Variants in PNOC observed in about 807,000 individuals in gnomAD.
PNOC encodes the protein nociceptin.
PNOC carries 10 observed loss-of-function variants against 15.6 expected under a neutral mutation model. The observed-to-expected ratio is 0.64, with a 90% CI of 0.40 to 1.09. PNOC has a LOEUF of 1.09. PNOC is among the 50% of genes least tolerant of loss of function. The pLI, the probability that PNOC is intolerant of heterozygous loss-of-function variation, is 0.01. For missense variants in PNOC, 220 were observed against 223.9 expected, an observed-to-expected ratio of 0.98 and a Z score of 0.11; for synonymous variants, 98 against 88.5, an observed-to-expected ratio of 1.11 and a Z score of -0.60.
At chr8:28,331,279 T>G (rs1022201006) in intron 2 of PNOC, among the ~76,000 whole-genome samples, 3 of 152,178 alleles carry the variant, frequency 2.0e-5, no homozygotes, top group Non-Finnish European at 4.4e-5. Context: ...GGTTAAGTGG[T>G]TACAGTAAAT....
intron 3 of PNOC, among the ~76,000 whole-genome samples, chr8:28,341,571 A>C (rs537692205): frequency 2.2e-4 from 34 of 152,316 alleles, no homozygotes; most frequent in Non-Finnish European, 4.3e-4. Context: ...CAGGCCCATT[A>C]ACAGGAATCC....
intron 1 of PNOC, among the ~76,000 whole-genome samples, chr8:28,325,642 ACTCTGT>A (rs1437868393): frequency 2.2e-5 from 3 of 137,800 alleles, no homozygotes; most frequent in African/African-American, 8.4e-5. Flanking sequence ...ACAGAGTGAG[ACTCTGT>A]CTCAAAAAAA....
At chr8:28,321,480 T>G (rs1296368138) in intron 1 of PNOC, among the ~76,000 whole-genome samples, 1 of 152,106 alleles carries the variant, frequency 6.6e-6, no homozygotes, top group Non-Finnish European at 1.5e-5. Context: ...TCCACACTCT[T>G]TCTATGGCTT....
At chr8:28,321,174 G>A (rs1461947489) in intron 1 of PNOC, among the ~76,000 whole-genome samples, 1 of 149,420 alleles carries the variant, frequency 6.7e-6, no homozygotes, top group East Asian at 2.0e-4. Flanking sequence ...GAATAGCTAA[G>A]ACTGCAGATG....
At chr8:28,335,395 T>C (rs1289634456) in intron 2 of PNOC, among the ~76,000 whole-genome samples, 2 of 152,280 alleles carry the variant, frequency 1.3e-5, no homozygotes, top group Non-Finnish European at 2.9e-5. Context: ...GGTTGAATTA[T>C]ATTCATGATT....
At chr8:28,326,348 T>C (rs1054628833) in intron 1 of PNOC, among the ~76,000 whole-genome samples, 1 of 151,982 alleles carries the variant, frequency 6.6e-6, no homozygotes, top group African/African-American at 2.4e-5. Flanking sequence ...CGAGACCATC[T>C]CAAACAAACA....
intron 1 of PNOC, among the ~76,000 whole-genome samples, chr8:28,324,874 AAG>A (rs1353511592): frequency 1.2e-4 from 19 of 152,224 alleles, no homozygotes; most frequent in African/African-American, 4.1e-4. Flanking sequence ...AAAAACAAAA[AAG>A]AGTGTTAGAG....
chr8:28,330,544 C>G (rs1322363548), intron 2 of PNOC, among the ~76,000 whole-genome samples: 2 of 147,488 alleles, frequency 1.4e-5, no homozygotes, highest in Non-Finnish European at 3.0e-5. Flanking sequence ...AAGGTGCCCA[C>G]CACCACACCC....
intron 1 of PNOC, among the ~76,000 whole-genome samples, chr8:28,324,787 T>C (rs1317631890): frequency 2.0e-5 from 3 of 152,108 alleles, no homozygotes; most frequent in African/African-American, 7.2e-5. Flanking sequence ...TGCTTGAACC[T>C]GGGAGGTGTG....
chr8:28,337,872 T>C (rs1801440303), intron 2 of PNOC, among the ~76,000 whole-genome samples: 2 of 152,116 alleles, frequency 1.3e-5, no homozygotes, highest in Admixed American at 1.3e-4. Flanking sequence ...ATTACAGGCG[T>C]GCGCCACCGC....
chr8:28,326,205 A>C (rs931020005), intron 1 of PNOC, among the ~76,000 whole-genome samples: 5 of 151,838 alleles, frequency 3.3e-5, no homozygotes, highest in Non-Finnish European at 7.4e-5. Flanking sequence ...TTTAAAAACT[A>C]ACCAAGCATC....
chr8:28,321,453 G>A (rs1045559319), intron 1 of PNOC, among the ~76,000 whole-genome samples: 11 of 152,102 alleles, frequency 7.2e-5, no homozygotes, highest in Middle Eastern at 3.4e-3. Context: ...AGCCCTGAAC[G>A]TGTGTCTTTT....
intron 2 of PNOC, among the ~76,000 whole-genome samples, chr8:28,338,022 C>T (rs1187351141): frequency 6.6e-6 from 1 of 152,160 alleles, no homozygotes; most frequent in Non-Finnish European, 1.5e-5. Context: ...CCAGTTGCAG[C>T]CTCTGCCCCA....
At chr8:28,330,396 A>ATTTTATTTTATTTTATTTTTT (rs377288105) in intron 2 of PNOC, among the ~76,000 whole-genome samples, 24 of 80,446 alleles carry the variant, frequency 3.0e-4, no homozygotes, top group African/African-American at 6.6e-4. Flanking sequence ...ATTTTATTTT[A>ATTTTATTTTATTTTATTTTTT]TTTTTTTTTT....
intron 2 of PNOC, among the ~76,000 whole-genome samples, chr8:28,338,415 T>G (rs1389032865): frequency 6.6e-6 from 1 of 152,014 alleles, no homozygotes; most frequent in African/African-American, 2.4e-5. Flanking sequence ...CACCTGGAAC[T>G]GGATCACAGG....
chr8:28,324,231 T>C (rs1324997767), intron 1 of PNOC, among the ~76,000 whole-genome samples: 2 of 152,222 alleles, frequency 1.3e-5, no homozygotes, highest in East Asian at 1.9e-4. Context: ...CTTCCTTTTA[T>C]ACCTCGCCCT....
chr8:28,339,541 A>C (rs1801479068), intron 3 of PNOC, 50 bp downstream of exon 3: 1 of 1,389,568 alleles, frequency 7.2e-7, no homozygotes, highest in East Asian at 2.5e-5. Context: ...TCACACACCA[A>C]CTGTCTTAGC....
intron 2 of PNOC, among the ~76,000 whole-genome samples, chr8:28,334,328 T>C (rs1478330847): frequency 3.3e-5 from 5 of 152,228 alleles, no homozygotes; most frequent in Non-Finnish European, 7.3e-5. Flanking sequence ...CTGTGATGGC[T>C]TCTTCCTCCT....
Position 28,343,097 on chromosome 8 carries a change from CT to C in PNOC, c.*204del, listed in dbSNP as rs905541406. 2 of 619,482 alleles carry C rather than the reference CT, an allele frequency of 3.2e-6. No individual in the cohort carries two copies. The highest frequency in any genetic ancestry group is 2.0e-5 in the African/African-American group (1 of 50,520). 38.4% of individuals were successfully genotyped at this position (619,482 alleles called of 1,614,324 possible). On this transcript the variant is annotated 3_prime_UTR_variant, in exon 4 of 4. Coordinates refer to ENST00000301908, the MANE Select transcript of PNOC (RefSeq NM_006228.5). ...CGTCTGATTGTTCCTCCCCAGCCCC[CT>C]GGCATGTTTCACCACAACCCTGTTG...
Sources: gnomAD v4.1 joint callset for allele counts (sites outside exome capture counted in the v4.1 genomes callset) on GRCh38, gnomAD v4.1.1 for gene constraint, MANE v1.5 for transcripts, NCBI Gene and HGNC (gene_info 2026-07-23, HGNC 2026-07-21) for gene names.